TOX: variants seen among roughly 807,000 people sequenced by gnomAD.
TOX encodes thymocyte selection-associated high mobility group box protein TOX.
TOX carries 11 observed loss-of-function variants against 53.7 expected under a neutral mutation model. The ratio of observed to expected loss-of-function variants is 0.20; its 90% CI spans 0.13 to 0.34. The LOEUF (loss-of-function observed/expected upper bound fraction) is 0.34, where lower values mean the gene tolerates loss of function less well. TOX is among the 10% of genes least tolerant of loss of function. The probability of loss-of-function intolerance (pLI) is 1.00; values close to 1 mark genes in which losing one functional copy is unlikely to be tolerated. For missense variants in TOX, 570 were observed against 664.6 expected (o/e 0.86, Z 1.56); for synonymous variants, 225 against 245.3 (o/e 0.92, Z 0.77).
intron 2 of TOX, among the ~76,000 whole-genome samples, chr8:58,950,832 C>T (rs187811622): frequency 5.0e-3 from 762 of 151,892 alleles, no homozygotes; most frequent in Non-Finnish European, 8.8e-3. Flanking sequence ...GACTGGGCAG[C>T]GGTGGTGCAG....
At chr8:58,927,378 T>C (rs1451409176) in intron 3 of TOX, among the ~76,000 whole-genome samples, 1 of 152,124 alleles carries the variant, frequency 6.6e-6, no homozygotes, top group Non-Finnish European at 1.5e-5. Flanking sequence ...TTACCAAGCC[T>C]CTACCAAGTG....
In TOX at chr8:59,118,926, A is replaced by T. The variant is rs1805158902; in HGVS notation, c.62T>A (p.Leu21Gln). The change falls in exon 1 of 9, where the codon CTG becomes CAG. Residue 21 changes from leucine to glutamine, a missense_variant. Leu to Gln is a moderately radical substitution (Grantham distance 113). Coordinates refer to ENST00000361421, the MANE Select transcript of TOX (RefSeq NM_014729.3). This position sits in a 1 kb window ranked among gnomAD's most constrained non-coding sequence, Gnocchi z 4.1. ...GGGGTCCAGGCAGGGAGAAGGTCCC[A>T]GACAGGGAGCGTCGGGCGCAGCGGC... is the stretch of plus-strand genomic sequence containing the variant. ...QPAAAPDAPC[L>Q]GPSPCLDPYY... 1 of 1,601,768 alleles carries T rather than the reference A, an allele frequency of 6.2e-7. No homozygotes were observed. The highest frequency in any genetic ancestry group is 1.4e-5 in the African/African-American group (1 of 73,424).
intron 4 of TOX, among the ~76,000 whole-genome samples, chr8:58,839,391 T>G (rs1810605989): frequency 1.3e-5 from 2 of 152,220 alleles, no homozygotes; most frequent in South Asian, 4.1e-4. Context: ...TAGAAAAGGT[T>G]TTTACTCAAT....
intron 1 of TOX, among the ~76,000 whole-genome samples, chr8:59,061,698 T>C (rs1359834192): frequency 6.6e-6 from 1 of 151,846 alleles, no homozygotes; most frequent in Non-Finnish European, 1.5e-5. Context: ...TTTATGTCGG[T>C]CGTTCCATCA....
At chr8:59,082,741 G>A (rs1239225759) in intron 1 of TOX, among the ~76,000 whole-genome samples, 1 of 152,160 alleles carries the variant, frequency 6.6e-6, no homozygotes, top group Non-Finnish European at 1.5e-5. Flanking sequence ...GAAGTTGTAT[G>A]ATTTTTGTCA....
At chr8:58,839,320 A>C (rs1361784859) in intron 4 of TOX, among the ~76,000 whole-genome samples, 2 of 152,252 alleles carry the variant, frequency 1.3e-5, no homozygotes, top group Non-Finnish European at 2.9e-5. Context: ...AAATAGCTAC[A>C]TATGACTAAT....
intron 3 of TOX, among the ~76,000 whole-genome samples, chr8:58,859,061 G>A (rs1031438967): frequency 2.0e-4 from 30 of 152,052 alleles, no homozygotes; most frequent in African/African-American, 6.3e-4. Flanking sequence ...ATGCATTTCC[G>A]AGAGAGCTTA....
chr8:58,824,580 C>T (rs1810336625), intron 6 of TOX, among the ~76,000 whole-genome samples: 1 of 152,214 alleles, frequency 6.6e-6, no homozygotes, highest in Admixed American at 6.5e-5. Context: ...TCTGGTTCTA[C>T]AAGCTCCTGT....
intron 1 of TOX, among the ~76,000 whole-genome samples, chr8:58,999,336 A>C (rs369158): frequency 0.5 from 76,302 of 151,910 alleles, 21,294 homozygotes; most frequent in Non-Finnish European, 0.61. Context: ...GGAAAAAAAA[A>C]CCAATAAATT....
intron 3 of TOX, among the ~76,000 whole-genome samples, chr8:58,864,900 C>T (rs183939956): frequency 1.2e-3 from 176 of 152,240 alleles, no homozygotes; most frequent in Non-Finnish European, 1.9e-3. Flanking sequence ...GAGTAGACAT[C>T]GTTCGCTTAA....
rs759291591 is a variant in TOX, at chr8:58,815,593, C to G, written c.1137G>C (p.Pro379=). Residue 379 remains proline, a synonymous_variant, in exon 7 of 9, where the codon CCG becomes CCC. Coordinates refer to ENST00000361421, the MANE Select transcript of TOX (RefSeq NM_014729.3). The part of the protein sequence containing the change: ...LYLSSHYHQQ[P]GMNPHLTAMH... The stretch of plus-strand genomic sequence containing the variant: ...TGGCAGTTAGGTGAGGATTCATTCC[C>G]GGTTGTTGGTGATAGTGGGAACTTA... 2 of 1,614,088 alleles carry G rather than the reference C, an allele frequency of 1.2e-6. No individual in the cohort carries two copies. The highest frequency in any genetic ancestry group is 2.2e-5 in the South Asian group (2 of 91,074).
chr8:58,904,769 G>A (rs778076839), intron 3 of TOX, among the ~76,000 whole-genome samples: 41 of 152,124 alleles, frequency 2.7e-4, no homozygotes, highest in Admixed American at 1.4e-3. Context: ...CCACATGACT[G>A]CCACACAGTA....
Position 58,807,707 on chromosome 8 carries a change from TC to T in TOX, c.*39del. The T allele has an allele frequency of 2.5e-6, 4 of 1,612,034 alleles. No homozygotes were observed. The highest frequency in any genetic ancestry group is 3.4e-6 in the Non-Finnish European group (4 of 1,178,178). On this transcript the variant is annotated 3_prime_UTR_variant, in exon 9 of 9. Coordinates refer to ENST00000361421, the MANE Select transcript of TOX (RefSeq NM_014729.3). ...CAAAGCAATCCATGGTGAAAACACT[TC>T]CCTGAATTCCTCAGTGGAAAGAAGA...
At chr8:58,899,324 ACTCTCATTTTTCAATTTTTGGC>A (rs1773012350) in intron 3 of TOX, among the ~76,000 whole-genome samples, 1 of 152,046 alleles carries the variant, frequency 6.6e-6, no homozygotes, top group South Asian at 2.1e-4. Context: ...ACAGATAGAC[ACTCTCATTTTTCAATTTTTGGC>A]CAAAATCTGT....
At chr8:58,992,606 A>T (rs1456326483) in intron 1 of TOX, among the ~76,000 whole-genome samples, 3 of 152,194 alleles carry the variant, frequency 2.0e-5, no homozygotes, top group Non-Finnish European at 4.4e-5. Context: ...TTCTATAGAG[A>T]ACAGCAGTAG....
At chr8:59,094,373 C>T (rs1804674600) in intron 1 of TOX, among the ~76,000 whole-genome samples, 1 of 152,008 alleles carries the variant, frequency 6.6e-6, no homozygotes, top group East Asian at 1.9e-4. Flanking sequence ...CACAGTGGCT[C>T]ACATCTGTAG....
rs1160395608 is a variant in TOX, at chr8:58,808,210, T to C, written c.1452A>G (p.Gln484=). ...TIINPTSTAA[Q]VVTQAMEYVR... The stretch of plus-strand genomic sequence containing the variant: ...CATACTCCATTGCCTGGGTGACAAC[T>C]TGTGCAGCTGTAGATGTAGGATTGA... The change falls in exon 8 of 9, where the codon CAA becomes CAG. Residue 484 remains glutamine (Q), a synonymous_variant. Transcript: ENST00000361421. 6.2e-7 allele frequency: 1 copy of C among 1,614,110 alleles called. No individual in the cohort carries two copies.
At chr8:59,049,070 T>C (rs904744954) in intron 1 of TOX, among the ~76,000 whole-genome samples, 3 of 152,142 alleles carry the variant, frequency 2.0e-5, no homozygotes, top group African/African-American at 7.2e-5. Context: ...AGCAAATCAT[T>C]TTATCTATCC....
At chr8:58,979,320 G>C (rs1322781452) in intron 1 of TOX, among the ~76,000 whole-genome samples, 1 of 152,188 alleles carries the variant, frequency 6.6e-6, no homozygotes, top group Non-Finnish European at 1.5e-5. Flanking sequence ...TATATCATTT[G>C]GATGAAAATT....
Sources: gnomAD v4.1 joint callset for allele counts (sites outside exome capture counted in the v4.1 genomes callset) on GRCh38, gnomAD v4.1.1 for gene constraint, Gnocchi (gnomAD v3.1) non-coding constraint, MANE v1.5 for transcripts, NCBI Gene and HGNC (gene_info 2026-07-23, HGNC 2026-07-21) for gene names.